TTLL5: variants seen among roughly 807,000 people sequenced by gnomAD.
TTLL5 encodes tubulin polyglutamylase TTLL5.
Under a neutral mutation model 168.4 loss-of-function variants are expected in TTLL5, and 132 were observed. The ratio of observed to expected loss-of-function variants is 0.78; its 90% CI spans 0.68 to 0.91. TTLL5 has a LOEUF of 0.91. Ranked by LOEUF, TTLL5 falls within the 40% of genes least tolerant of loss-of-function variation. The pLI is 0.00. For missense variants in TTLL5, 1,545 were observed against 1,581.5 expected, an observed-to-expected ratio of 0.98 and a Z score of 0.39; for synonymous variants, 546 against 558.6, an observed-to-expected ratio of 0.98 and a Z score of 0.32.
At chr14:75,926,354 G>C (rs950606413) in intron 31 of TTLL5, among the ~76,000 whole-genome samples, 18 of 151,386 alleles carry the variant, frequency 1.2e-4, no homozygotes, top group Non-Finnish European at 1.8e-4. Context: ...TTACATTTAA[G>C]GTTAATATTG....
intron 20 of TTLL5, among the ~76,000 whole-genome samples, chr14:75,771,343 C>T (rs1438193476): frequency 2.0e-5 from 3 of 152,094 alleles, no homozygotes; most frequent in Non-Finnish European, 2.9e-5. Context: ...ACAAGAATCA[C>T]GTGAATCCAG....
Position 75,777,294 on chromosome 14 carries a change from C to T in TTLL5, c.2387+444C>T, listed in dbSNP as rs1430755352. Among the ~76,000 whole-genome samples, 6 of 152,272 alleles carry T rather than the reference C, an allele frequency of 3.9e-5. No homozygotes were observed. The East Asian group carries it at 1.2e-3, about 29-fold the overall frequency. On this transcript the variant is annotated intron_variant, in intron 23 of 31. Coordinates refer to ENST00000298832, the MANE Select transcript of TTLL5 (RefSeq NM_015072.5). ...TGGAAAGTTGAAATTAGAGGCATCT[C>T]ATATTTACTGGGTCTGAATTTGTCC...
intron 15 of TTLL5, among the ~76,000 whole-genome samples, chr14:75,737,275 T>A (rs574280761): frequency 1.3e-3 from 204 of 152,342 alleles, no homozygotes; most frequent in African/African-American, 4.8e-3. Context: ...ATGTGTACTG[T>A]GTGAAACCAG....
chr14:75,715,264 CTTTTTTT>C (rs1201985101), intron 9 of TTLL5, among the ~76,000 whole-genome samples: 5 of 130,948 alleles, frequency 3.8e-5, no homozygotes, highest in Non-Finnish European at 8.1e-5. Flanking sequence ...CACCATCTTC[CTTTTTTT>C]TTTTTTTTTT....
At chr14:75,802,687 C>T (rs1893390264) in intron 27 of TTLL5, among the ~76,000 whole-genome samples, 1 of 152,184 alleles carries the variant, frequency 6.6e-6, no homozygotes. Flanking sequence ...AACACATAGT[C>T]CTCAGCATGA....
rs2035059465 is a variant in TTLL5 at position 75,954,800 on chromosome 14, G to C, written c.*354G>C. On this transcript the variant is annotated 3_prime_UTR_variant, in exon 32 of 32. Transcript: ENST00000298832. Reference sequence around the variant, plus strand: ...CCCTTTACTGCTGCTGCACAGAGATGATATAAAAGAGGCTCTTTGGCTATT... The same window carrying C: ...CCCTTTACTGCTGCTGCACAGAGATCATATAAAAGAGGCTCTTTGGCTATT... The C allele has an allele frequency of 3.9e-6, 1 of 255,468 alleles. No homozygotes were observed. Among genetic ancestry groups the C allele is most frequent in the Admixed American group, 5.1e-5 (1 of 19,476 alleles). The allele number at this position is 255,468 out of a possible 1,614,324, so 15.8% of individuals were successfully genotyped here.
At chr14:75,896,352 G>A (rs1368548298) in intron 30 of TTLL5, among the ~76,000 whole-genome samples, 1 of 152,140 alleles carries the variant, frequency 6.6e-6, no homozygotes, top group East Asian at 1.9e-4. Flanking sequence ...ATTGAAAGAG[G>A]TTGGTTATTG....
In TTLL5 at chr14:75,788,233, G is replaced by T. The variant is rs151259009; in HGVS notation, c.2987-4683G>T. On this transcript the variant is annotated intron_variant, in intron 26 of 31. Coordinates refer to ENST00000298832, the MANE Select transcript of TTLL5 (RefSeq NM_015072.5). ...GGCTTTAGACATTATAAAAACAACA[G>T]TATCATAAATCTAAATAAAGGATAA... 1.9e-3 allele frequency among the ~76,000 whole-genome samples: 289 copies of T among 152,168 alleles called. 1 individual carries two copies. The highest frequency in any genetic ancestry group is 3.3e-3 in the Non-Finnish European group (224 of 68,004).
At chr14:75,873,971 A>G (rs1486523256) in intron 29 of TTLL5, among the ~76,000 whole-genome samples, 2 of 152,158 alleles carry the variant, frequency 1.3e-5, no homozygotes, top group South Asian at 4.1e-4. Context: ...ACTAATAGTT[A>G]CTTACTTGAA....
At chr14:75,916,910 C>G (rs113619462) in intron 31 of TTLL5, among the ~76,000 whole-genome samples, 24 of 152,262 alleles carry the variant, frequency 1.6e-4, no homozygotes, top group African/African-American at 5.5e-4. Flanking sequence ...GGACGTTATG[C>G]TAAGTGAAAT....
At chr14:75,907,837 T>C (rs1384282219) in intron 31 of TTLL5, among the ~76,000 whole-genome samples, 1 of 152,216 alleles carries the variant, frequency 6.6e-6, no homozygotes, top group African/African-American at 2.4e-5. Flanking sequence ...AGAAGGTCAG[T>C]ATTTCCCTTA....
chr14:75,763,253 CTCTGTGTGTGTGTGTGTGTG>C lies in TTLL5; in HGVS notation c.1551-1360_1551-1341del, dbSNP rs1325903514. ...TAAAAGTTTATTTCTATAGCTCTCT[CTCTGTGTGTGTGTGTGTGTG>C]TGTGTGTGTGTGTACTCTTTGGGAC... On this transcript the variant is annotated intron_variant, in intron 18 of 31. Coordinates refer to ENST00000298832, the MANE Select transcript of TTLL5 (RefSeq NM_015072.5). Among the ~76,000 whole-genome samples, 9 of 145,398 alleles carry C rather than the reference CTCTGTGTGTGTGTGTGTGTG, an allele frequency of 6.2e-5. No individual in the cohort carries two copies. The East Asian group carries it at 1.8e-3, about 29-fold the overall frequency.
chr14:75,948,953 A>G (rs1021621523), intron 31 of TTLL5, among the ~76,000 whole-genome samples: 3 of 152,210 alleles, frequency 2.0e-5, no homozygotes, highest in Non-Finnish European at 4.4e-5. Context: ...AAATCTTCCC[A>G]CAAGTTAATT....
At chr14:75,714,423 C>T (rs1256631928) in intron 9 of TTLL5, among the ~76,000 whole-genome samples, 1 of 151,968 alleles carries the variant, frequency 6.6e-6, no homozygotes, top group Non-Finnish European at 1.5e-5. Context: ...ATTTTTCTTG[C>T]CTTAATGAAT....
At position 75,717,958 on chromosome 14, in the gene TTLL5, G is replaced by A. The variant is rs147703458; in HGVS notation, c.838G>A (p.Val280Ile). Residue 280 changes from valine to isoleucine, a missense_variant, in exon 10 of 32, where the codon GTC becomes ATC. By Grantham distance (29) the Val-to-Ile change is conservative. Transcript: ENST00000298832. ...TGTCAACAAGAAAAGTGGAGATTAC[G>A]TCAGGTACTGGCTGTGTCTGAGCCA... ...YSVNKKSGDY[V>I]SCDDPEVEDY... 8.1e-6 allele frequency: 13 copies of A among 1,613,184 alleles called. No individual in the cohort carries two copies. Among genetic ancestry groups the A allele is most frequent in the South Asian group, 7.7e-5 (7 of 91,064 alleles).
At chr14:75,855,743 T>C (rs907315902) in intron 28 of TTLL5, among the ~76,000 whole-genome samples, 3 of 152,218 alleles carry the variant, frequency 2.0e-5, no homozygotes, top group Non-Finnish European at 4.4e-5. Context: ...TGATCTGAGC[T>C]GCAGCCCACG....
intron 28 of TTLL5, among the ~76,000 whole-genome samples, chr14:75,860,195 C>A (rs1319784030): frequency 6.6e-6 from 1 of 152,204 alleles, no homozygotes; most frequent in Non-Finnish European, 1.5e-5. Flanking sequence ...ATTTGATCTT[C>A]TCTTGCCCAC....
chr14:75,876,998 A>C (rs1361429020), intron 29 of TTLL5, among the ~76,000 whole-genome samples: 1 of 152,206 alleles, frequency 6.6e-6, no homozygotes, highest in Non-Finnish European at 1.5e-5. Flanking sequence ...CGGACAAGAA[A>C]TGTCTTTGCA....
intron 28 of TTLL5, among the ~76,000 whole-genome samples, chr14:75,852,324 G>C (rs1278413181): frequency 6.6e-6 from 1 of 152,128 alleles, no homozygotes; most frequent in Non-Finnish European, 1.5e-5. Context: ...ATTTCTTTTT[G>C]TCTTCTTTCT....
Sources: gnomAD v4.1 joint callset for allele counts (sites outside exome capture counted in the v4.1 genomes callset) on GRCh38, gnomAD v4.1.1 for gene constraint, MANE v1.5 for transcripts, NCBI Gene and HGNC (gene_info 2026-07-23, HGNC 2026-07-21) for gene names.